The following NLRC5 variants were observed in gnomAD, a reference collection of about 807,000 sequenced individuals.
NLRC5 encodes NLR family CARD domain containing 5.
Under a neutral mutation model 206.9 loss-of-function variants are expected in NLRC5, and 114 were observed. That is an observed-to-expected ratio of 0.55 (90% confidence interval 0.47 to 0.64). The LOEUF (loss-of-function observed/expected upper bound fraction) is 0.64, where lower values mean the gene tolerates loss of function less well. Among genes scored for constraint, NLRC5 ranks in the 30% least tolerant of loss-of-function variants. The pLI is 0.00. For missense variants in NLRC5, 2,008 were observed against 2,305.5 expected, an observed-to-expected ratio of 0.87 and a Z score of 2.64; for synonymous variants, 952 against 962.8, an observed-to-expected ratio of 0.99 and a Z score of 0.21.
intron 35 of NLRC5, 53 bp downstream of exon 35, chr16:57,067,523 T>TACCTACTCCAGGCCATGTGTGACCCTGGC: frequency 6.5e-7 from 1 of 1,540,426 alleles, no homozygotes; most frequent in Non-Finnish European, 9.0e-7. Flanking sequence ...TTGACCCTGG[T>TACCTACTCCAGGCCATGTGTGACCCTGGC]ACCTACTCCA....
At chr16:57,045,656 C>G (rs117354574) in intron 21 of NLRC5, among the ~76,000 whole-genome samples, 164 bp downstream of exon 21, 7 of 152,174 alleles carry the variant, frequency 4.6e-5, no homozygotes, top group South Asian at 2.1e-4. Flanking sequence ...ACCGCCCCCC[C>G]CATAAATTGT....
chr16:57,001,279 C>T (rs991783323), intron 1 of NLRC5, among the ~76,000 whole-genome samples: 2 of 152,216 alleles, frequency 1.3e-5, no homozygotes, highest in Non-Finnish European at 2.9e-5. Context: ...GTCCAAATGT[C>T]TGTAGTCATG....
chr16:56,993,488 A>T (rs1421866659), intron 1 of NLRC5, among the ~76,000 whole-genome samples: 1 of 152,078 alleles, frequency 6.6e-6, no homozygotes, highest in Admixed American at 6.6e-5. Context: ...GAAAACCAGG[A>T]GTGGATTTGC....
chr16:57,082,004 A>ACAAGGG (rs1193245814), intron 48 of NLRC5, among the ~76,000 whole-genome samples: 11 of 152,376 alleles, frequency 7.2e-5, no homozygotes, highest in African/African-American at 1.9e-4. Flanking sequence ...TGTGCACTGC[A>ACAAGGG]CAAGGGCATT....
At chr16:57,033,894 C>T (rs892173878) in intron 12 of NLRC5, among the ~76,000 whole-genome samples, 20 of 152,264 alleles carry the variant, frequency 1.3e-4, no homozygotes, top group Admixed American at 3.9e-4. Context: ...ATCTATATGC[C>T]GGGCATTGCA....
chr16:57,049,090 A>G (rs1297852446), intron 23 of NLRC5, among the ~76,000 whole-genome samples: 1 of 151,996 alleles, frequency 6.6e-6, no homozygotes, highest in Non-Finnish European at 1.5e-5. Flanking sequence ...CACTAACACT[A>G]GCGATAGCTG....
rs759791431 is a variant in NLRC5 at position 57,042,028 on chromosome 16, C to T, written c.3076C>T (p.Gln1026Ter). Reference protein sequence around the residue: ...LGDEGAARLAQLLPGLGALQS... With the variant: ...LGDEGAARLA Reference sequence around the variant, plus strand: ...GGATGAAGGTGCAGCCCGGCTGGCTCAGCTGCTCCCAGGGCTGGGAGCTCT... The same window carrying T: ...GGATGAAGGTGCAGCCCGGCTGGCTTAGCTGCTCCCAGGGCTGGGAGCTCT... The change falls in exon 19 of 49, where the codon CAG (glutamine) becomes TAG (stop). Residue 1026 changes from glutamine to a stop codon, truncating the protein, a stop_gained. Coordinates refer to ENST00000688547, the MANE Select transcript of NLRC5 (RefSeq NM_001384950.1). LOFTEE classifies it high-confidence loss of function. 18 of 1,572,516 alleles carry T rather than the reference C, an allele frequency of 1.1e-5. No homozygotes were observed. Among genetic ancestry groups the T allele is most frequent in the Non-Finnish European group, 8.6e-7 (1 of 1,163,250 alleles).
chr16:57,058,345 G>T (rs2065960066), intron 28 of NLRC5, 197 bp downstream of exon 28: 1 of 576,336 alleles, frequency 1.7e-6, no homozygotes, highest in Admixed American at 3.1e-5. Flanking sequence ...CCCACCATGG[G>T]CAGATCCTCC....
At chr16:57,049,962 C>T (rs1015682992) in intron 23 of NLRC5, among the ~76,000 whole-genome samples, 3 of 151,932 alleles carry the variant, frequency 2.0e-5, no homozygotes, top group Non-Finnish European at 2.9e-5. Flanking sequence ...AGTGATTCCC[C>T]GGGGTTCCAC....
intron 37 of NLRC5, among the ~76,000 whole-genome samples, chr16:57,070,308 G>T (rs1460170342): frequency 2.0e-5 from 3 of 151,890 alleles, no homozygotes; most frequent in Non-Finnish European, 4.4e-5. Context: ...CTTCATCCAG[G>T]GCATAGTTTC....
intron 32 of NLRC5, among the ~76,000 whole-genome samples, chr16:57,064,969 C>T (rs1352591588): frequency 1.3e-5 from 2 of 152,000 alleles, no homozygotes; most frequent in Non-Finnish European, 2.9e-5. Context: ...ATAAAAATAT[C>T]ATTTAAAAAA....
At chr16:57,047,424 G>A (rs2064140885) in intron 22 of NLRC5, 121 bp from the exon 23 acceptor site, 1 of 813,104 alleles carries the variant, frequency 1.2e-6, no homozygotes, top group Admixed American at 2.3e-5. Context: ...CCCCACAGGG[G>A]AAGGGGCCTG....
chr16:57,081,429 TC>T, intron 47 of NLRC5, 97 bp from the exon 48 acceptor site: 1 of 1,149,406 alleles, frequency 8.7e-7, no homozygotes, highest in Non-Finnish European at 1.3e-6. Flanking sequence ...GGAGACTGTG[TC>T]CCCTGACCTT....
intron 1 of NLRC5, among the ~76,000 whole-genome samples, chr16:56,989,846 T>G (rs2056585552): frequency 6.6e-6 from 1 of 151,844 alleles, no homozygotes; most frequent in African/African-American, 2.4e-5. Context: ...GGAGGAAGAG[T>G]TGCCGGCCCG....
chr16:57,067,922 ACT>A, intron 36 of NLRC5, 94 bp downstream of exon 36: 1 of 991,644 alleles, frequency 1.0e-6, no homozygotes, highest in South Asian at 1.3e-5. Context: ...GAGGACTCTT[ACT>A]CTGTGTCTTA....
chr16:57,077,704 G>A lies in NLRC5; in HGVS notation c.4920-15G>A. On this transcript the variant is annotated splice_polypyrimidine_tract_variant and intron_variant, in intron 41 of 48. Coordinates refer to ENST00000688547, the MANE Select transcript of NLRC5 (RefSeq NM_001384950.1). The stretch of plus-strand genomic sequence containing the variant: ...GGGGGCATCAGAGGACCTGATGGCT[G>A]CCCCCCTCCCACAGCCTCTCAGGGA... 2.6e-6 allele frequency: 4 copies of A among 1,554,050 alleles called. No homozygotes were observed. Among genetic ancestry groups the A allele is most frequent in the Non-Finnish European group, 2.6e-6 (3 of 1,147,628 alleles).
chr16:57,065,122 C>G (rs771797440), intron 32 of NLRC5, 90 bp from the exon 33 acceptor site: 1 of 784,978 alleles, frequency 1.3e-6, no homozygotes, highest in Non-Finnish European at 1.8e-6. Flanking sequence ...TAGGTCCCCC[C>G]CTTGACACTC....
rs531361813 is a variant in NLRC5, at chr16:57,077,087, T to C, written c.4835+185T>C. On this transcript the variant is annotated intron_variant, in intron 40 of 48. Transcript: ENST00000688547. ...CAAAGACAGGATGTAAGAGTGTCAA[T>C]TGTAGCAAGAGGGATTTAGGTCAGA... Among the ~76,000 whole-genome samples, 192 of 152,324 alleles carry C rather than the reference T, an allele frequency of 1.3e-3. 1 individual carries two copies. Among genetic ancestry groups the C allele is most frequent in the African/African-American group, 4.3e-3 (179 of 41,562 alleles).
chr16:57,067,580 T>G, intron 35 of NLRC5, 110 bp downstream of exon 35: 1 of 1,390,464 alleles, frequency 7.2e-7, no homozygotes, highest in Non-Finnish European at 1.0e-6. Flanking sequence ...CAGGAGAAAA[T>G]CACACTTGGC....
Sources: gnomAD v4.1 joint callset for allele counts (sites outside exome capture counted in the v4.1 genomes callset) on GRCh38, gnomAD v4.1.1 for gene constraint, MANE v1.5 for transcripts, NCBI Gene and HGNC (gene_info 2026-07-23, HGNC 2026-07-21) for gene names.